Variants in PDIA4 observed in about 807,000 individuals in gnomAD.
The protein encoded by PDIA4 is protein disulfide isomerase family A member 4, also known as protein disulfide-isomerase A4.
PDIA4 carries 33 observed loss-of-function variants against 62.1 expected under a neutral mutation model. The observed-to-expected ratio is 0.53, with a 90% confidence interval of 0.40 to 0.71. The LOEUF (loss-of-function observed/expected upper bound fraction) is 0.71. Ranked by LOEUF, PDIA4 falls within the 30% of genes least tolerant of loss-of-function variation. The pLI is 0.00. For synonymous variants in PDIA4, 341 were observed against 324.1 expected (o/e 1.05, Z -0.56); for missense variants, 804 against 813.6 (o/e 0.99, Z 0.14).
chr7:149,006,024 G>C lies in PDIA4; in HGVS notation c.1161C>G (p.Asp387Glu). ...GGGGCAGGGCGTACTTCAGCACGAA[G>C]TCCTTGATGGCCGAGTCCTGGGTGG... is the stretch of plus-strand genomic sequence containing the variant. ...QGSTQDSAIKDFVLKYALPLV... is the reference protein window; with the variant it reads ...QGSTQDSAIKEFVLKYALPLV... Residue 387 changes from aspartate (D) to glutamate (E), a missense_variant, in exon 8 of 10, where the codon GAC (aspartate) becomes GAG (glutamate). Asp to Glu is a conservative substitution (Grantham distance 45). Transcript: ENST00000652332. 6.4e-7 allele frequency: 1 copy of C among 1,565,306 alleles called. No homozygotes were observed. The highest frequency in any genetic ancestry group is 1.2e-5 in the South Asian group (1 of 82,876).
At chr7:149,008,432 G>T in intron 6 of PDIA4, 122 bp from the exon 7 acceptor site, 1 of 971,522 alleles carries the variant, frequency 1.0e-6, no homozygotes, top group African/African-American at 1.6e-5. Flanking sequence ...TGGGCGCGGT[G>T]GCTCACGCCT....
intron 7 of PDIA4, among the ~76,000 whole-genome samples, chr7:149,007,267 T>C (rs976932018): frequency 1.3e-5 from 2 of 152,170 alleles, no homozygotes; most frequent in Non-Finnish European, 2.9e-5. Context: ...TCCAAGGTAC[T>C]GCCATGTTCT....
chr7:149,014,896 C>T lies in PDIA4; in HGVS notation c.614+8G>A, dbSNP rs1824076244. The T allele has an allele frequency of 6.2e-7, 1 of 1,613,780 alleles. No individual in the cohort carries two copies. Among genetic ancestry groups the T allele is most frequent in the South Asian group, 1.1e-5 (1 of 91,056 alleles). ...ACTGAATATGGAAAGGGCCTGACAC[C>T]ACCTTACCATGGGGCATAAAACTCC... On this transcript the variant is annotated splice_region_variant and intron_variant, in intron 4 of 9. Transcript: ENST00000652332.
intron 7 of PDIA4, 48 bp from the exon 8 acceptor site, chr7:149,006,101 T>G: frequency 6.6e-7 from 1 of 1,525,470 alleles, no homozygotes; most frequent in Non-Finnish European, 8.7e-7. Context: ...CTCCCCACCA[T>G]TGTTCTTGAG....
rs552427317 is a variant in PDIA4 at position 149,015,801 on chromosome 7, C to T, written c.476-759G>A. On this transcript the variant is annotated intron_variant, in intron 3 of 9. Coordinates refer to ENST00000652332, the MANE Select transcript of PDIA4 (RefSeq NM_004911.5). ...GAAACGTGCACAAGCACCTCCTCTG[C>T]GCATTCGCAGCATGAAGTGTCTGTG... 6.6e-5 allele frequency among the ~76,000 whole-genome samples: 10 copies of T among 152,374 alleles called. No individual in the cohort carries two copies. The East Asian group carries it at 9.6e-4, about 15-fold the overall frequency.
Position 149,005,357 on chromosome 7 carries a change from T to G in PDIA4, c.1306A>C (p.Ser436Arg), listed in dbSNP as rs1206534716. ...DYRAATQFWR[S>R]KVLEVAKDFP... is the part of the protein sequence containing the mutation. ...TCCTTGGCCACCTCTAGGACTTTGC[T>G]CCGCCAAAACTGAGTTGCTGAAAGG... The change falls in exon 9 of 10, where the codon AGC becomes CGC. Residue 436 changes from serine (S) to arginine (R), a missense_variant. Transcript: ENST00000652332. 7.4e-6 allele frequency: 12 copies of G among 1,613,894 alleles called. No homozygotes were observed. The highest frequency in any genetic ancestry group is 1.1e-5 in the South Asian group (1 of 91,074).
At chr7:149,018,932 C>A in intron 3 of PDIA4, 60 bp downstream of exon 3, 1 of 1,321,834 alleles carries the variant, frequency 7.6e-7, no homozygotes, top group Non-Finnish European at 1.1e-6. Context: ...CCTCTATTAG[C>A]CAAATTCCCA....
Position 149,005,500 on chromosome 7 carries a change from A to G in PDIA4, c.1289-126T>C, listed in dbSNP as rs192893354. The G allele has an allele frequency of 1.3e-4, 83 of 656,488 alleles. No individual in the cohort carries two copies. The East Asian group carries it at 1.9e-3, about 15-fold the overall frequency. 40.7% of individuals were successfully genotyped at this position (656,488 alleles called of 1,614,324 possible). A position where few individuals can be genotyped will look rare whatever the true frequency, so the allele number is the denominator to read the frequency against. On this transcript the variant is annotated intron_variant, in intron 8 of 9. Transcript: ENST00000652332. ...ATGCTCAAACCCTGGATTTACCTCA[A>G]TTGGAGGGAAACATGTTTCTGGAAA...
rs1014080139 is a variant in PDIA4, at chr7:149,026,413, G to A, written c.88+1908C>T. Among the ~76,000 whole-genome samples the A allele has an allele frequency of 2.0e-5, 3 of 152,172 alleles. No homozygotes were observed. In the East Asian group the frequency reaches 5.8e-4, roughly 29 times the overall value. On this transcript the variant is annotated intron_variant, in intron 1 of 9. Transcript: ENST00000652332. ...CTCCTGTAATCTCAGCACTTTGGGA[G>A]GCCAAGTCAGGCGGATCACGGGGTC... is the stretch of plus-strand genomic sequence containing the variant.
At chr7:149,007,045 C>G (rs922364589) in intron 7 of PDIA4, among the ~76,000 whole-genome samples, 1 of 152,122 alleles carries the variant, frequency 6.6e-6, no homozygotes, top group African/African-American at 2.4e-5. Flanking sequence ...TCTTTGGGCC[C>G]AGGATCTTAT....
chr7:149,016,151 CG>C (rs770710509), intron 3 of PDIA4, among the ~76,000 whole-genome samples: 11 of 152,176 alleles, frequency 7.2e-5, no homozygotes, highest in Non-Finnish European at 1.5e-4. Context: ...AAAAATTAGC[CG>C]GGCGTGGTGG....
intron 3 of PDIA4, among the ~76,000 whole-genome samples, chr7:149,017,002 AGAG>A (rs1207683534): frequency 2.6e-5 from 4 of 152,226 alleles, no homozygotes; most frequent in African/African-American, 4.8e-5. Context: ...TTAAAGGAGC[AGAG>A]GAGAGCCTCT....
At chr7:149,015,114 G>A in intron 3 of PDIA4, 72 bp from the exon 4 acceptor site, 1 of 1,486,914 alleles carries the variant, frequency 6.7e-7, no homozygotes, top group Non-Finnish European at 9.3e-7. Flanking sequence ...TCCAGAAGCA[G>A]ATGAGGAGGG....
intron 1 of PDIA4, among the ~76,000 whole-genome samples, chr7:149,026,339 T>C (rs945757693): frequency 3.3e-5 from 5 of 151,650 alleles, no homozygotes; most frequent in African/African-American, 9.7e-5. Context: ...TGAGACCCCA[T>C]CTCTACCAAA....
In PDIA4 at chr7:149,025,083, A is replaced by AT. The variant is rs1335689422; in HGVS notation, c.88+3237_88+3238insA. Among the ~76,000 whole-genome samples, 40 of 21,854 alleles carry AT rather than the reference A, an allele frequency of 1.8e-3. No homozygotes were observed. The East Asian group carries it at 0.021, about 11-fold the overall frequency. The allele number at this position is 21,854 out of a possible 152,430, so 14.3% of individuals were successfully genotyped here. On this transcript the variant is annotated intron_variant, in intron 1 of 9. Coordinates refer to ENST00000652332, the MANE Select transcript of PDIA4 (RefSeq NM_004911.5). ...GAAACTCCATCTCAAAAAAAAAAAAAAAATATATATATATATATATATATG... is the reference window on the plus strand; with the variant it reads ...GAAACTCCATCTCAAAAAAAAAAAAATAAATATATATATATATATATATATG...
intron 2 of PDIA4, among the ~76,000 whole-genome samples, chr7:149,020,366 G>C (rs1039815158): frequency 6.6e-6 from 1 of 152,208 alleles, no homozygotes; most frequent in African/African-American, 2.4e-5. Flanking sequence ...GAAAGGGCAT[G>C]AGACAGAAGA....
Position 149,028,324 on chromosome 7 carries a change from C to A in PDIA4, c.85G>T (p.Glu29Ter). The change falls in exon 1 of 10, where the codon GAG (glutamate) becomes TAG (stop). Residue 29 changes from glutamate to a stop codon, truncating the protein, a stop_gained. Coordinates refer to ENST00000652332, the MANE Select transcript of PDIA4 (RefSeq NM_004911.5). LOFTEE classifies it high-confidence loss of function. ...CCGCGGCGCGCTTGCCGCTCACCCT[C>A]GTCCGGGCCCTCGGCACCCGCCACG... ...LAVAGAEGPD[E>*]DSSNRENAIE... is the part of the protein sequence containing the mutation. 6.6e-7 allele frequency: 1 copy of A among 1,521,176 alleles called. No individual in the cohort carries two copies. The highest frequency in any genetic ancestry group is 1.2e-5 in the South Asian group (1 of 82,146). The allele number at this position is 1,521,176 out of a possible 1,614,324, so 94.2% of individuals were successfully genotyped here.
chr7:149,025,455 A>T (rs1824517623), intron 1 of PDIA4, among the ~76,000 whole-genome samples: 1 of 152,168 alleles, frequency 6.6e-6, no homozygotes, highest in Non-Finnish European at 1.5e-5. Context: ...CAGAAACAAG[A>T]ACTGTTATCA....
chr7:149,026,589 T>C lies in PDIA4; in HGVS notation c.88+1732A>G, dbSNP rs1456207468. On this transcript the variant is annotated intron_variant, in intron 1 of 9. Transcript: ENST00000652332. Reference sequence around the variant, plus strand: ...TCACTTGAACTCGGGAAGCAGAGGTTGTGGTGAGCTGAGATCGCGTCACTG... The same window carrying C: ...TCACTTGAACTCGGGAAGCAGAGGTCGTGGTGAGCTGAGATCGCGTCACTG... 2.0e-5 allele frequency among the ~76,000 whole-genome samples: 3 copies of C among 151,500 alleles called. No individual in the cohort carries two copies. The East Asian group carries it at 5.8e-4, about 29-fold the overall frequency.
Sources: gnomAD v4.1 joint callset for allele counts (sites outside exome capture counted in the v4.1 genomes callset) on GRCh38, gnomAD v4.1.1 for gene constraint, MANE v1.5 for transcripts, NCBI Gene and HGNC (gene_info 2026-07-23, HGNC 2026-07-21) for gene names.